Variants in EPB41L4B observed in about 807,000 individuals in gnomAD.
The protein encoded by EPB41L4B is erythrocyte membrane protein band 4.1 like 4B.
EPB41L4B carries 30 observed loss-of-function variants against 112.5 expected under a neutral mutation model. The observed-to-expected ratio is 0.27, with a 90% confidence interval of 0.20 to 0.36. The LOEUF (loss-of-function observed/expected upper bound fraction) is 0.36, where lower values mean the gene tolerates loss of function less well. EPB41L4B is among the 10% of genes least tolerant of loss of function. The pLI, the probability that EPB41L4B is intolerant of heterozygous loss-of-function variation, is 1.00. For synonymous variants in EPB41L4B, 408 were observed against 439.7 expected (o/e 0.93, Z 0.90); for missense variants, 1,024 against 1,133.3 (o/e 0.90, Z 1.38).
intron 15 of EPB41L4B, among the ~76,000 whole-genome samples, chr9:109,229,194 T>G (rs1201261241): frequency 6.6e-6 from 1 of 152,214 alleles, no homozygotes; most frequent in East Asian, 1.9e-4. Flanking sequence ...CTTCCATGGA[T>G]CTTGTTACTT....
intron 16 of EPB41L4B, among the ~76,000 whole-genome samples, chr9:109,214,580 A>G (rs1833297980): frequency 6.6e-6 from 1 of 152,218 alleles, no homozygotes; most frequent in African/African-American, 2.4e-5. Flanking sequence ...GAACATTTGA[A>G]TGGGCTGCTA....
Position 109,172,154 on chromosome 9 carries a change from T to C in EPB41L4B, c.*2400A>G, listed in dbSNP as rs1311709003. The C allele has an allele frequency of 6.6e-6, 1 of 152,182 alleles. No individual in the cohort carries two copies. Among genetic ancestry groups the C allele is most frequent in the African/African-American group, 2.4e-5 (1 of 41,446 alleles). 9.4% of individuals were successfully genotyped at this position (152,182 alleles called of 1,614,324 possible). On this transcript the variant is annotated 3_prime_UTR_variant, in exon 26 of 26. Coordinates refer to ENST00000374566, the MANE Select transcript of EPB41L4B (RefSeq NM_019114.5). ...AAGAAGCAGGAAGCCCAGAGCCTCCTGGAAACACTGGCCAAAAAGCCCATG... is the reference window on the plus strand; with the variant it reads ...AAGAAGCAGGAAGCCCAGAGCCTCCCGGAAACACTGGCCAAAAAGCCCATG...
intron 16 of EPB41L4B, 35 bp downstream of exon 16, chr9:109,216,887 C>A: frequency 6.2e-7 from 1 of 1,600,502 alleles, no homozygotes; most frequent in Non-Finnish European, 8.6e-7. Context: ...CATTGCTCCC[C>A]CTTCTCCTGC....
At chr9:109,242,419 T>C (rs541743626) in intron 15 of EPB41L4B, among the ~76,000 whole-genome samples, 4 of 152,334 alleles carry the variant, frequency 2.6e-5, no homozygotes, top group African/African-American at 9.6e-5. Context: ...GAAACTAACA[T>C]GATAAAACAG....
At chr9:109,304,380 C>G (rs1467299489) in intron 1 of EPB41L4B, among the ~76,000 whole-genome samples, 1 of 152,224 alleles carries the variant, frequency 6.6e-6, no homozygotes, top group Non-Finnish European at 1.5e-5. Flanking sequence ...CTGATTCACT[C>G]CAATTAAACC....
At chr9:109,297,202 TGG>T (rs1196963743) in intron 1 of EPB41L4B, among the ~76,000 whole-genome samples, 1 of 53,860 alleles carries the variant, frequency 1.9e-5, no homozygotes, top group Non-Finnish European at 4.0e-5. Flanking sequence ...GCTGGGGGGG[TGG>T]GGGGGGATCT....
intron 7 of EPB41L4B, 80 bp from the exon 8 acceptor site, chr9:109,256,560 A>T: frequency 8.3e-7 from 1 of 1,204,094 alleles, no homozygotes; most frequent in South Asian, 1.3e-5. Flanking sequence ...CTTACTATGG[A>T]ACGTTATGCA....
intron 15 of EPB41L4B, among the ~76,000 whole-genome samples, chr9:109,221,282 T>C (rs1833564059): frequency 6.6e-6 from 1 of 152,080 alleles, no homozygotes; most frequent in African/African-American, 2.4e-5. Context: ...ATTAATGAAG[T>C]TGTGCAGCTA....
chr9:109,239,146 T>C (rs1001815233), intron 15 of EPB41L4B, among the ~76,000 whole-genome samples: 9 of 152,142 alleles, frequency 5.9e-5, no homozygotes, highest in African/African-American at 2.2e-4. Context: ...AGAGAAAAGA[T>C]GCTCCTATGG....
intron 1 of EPB41L4B, among the ~76,000 whole-genome samples, chr9:109,293,755 C>T (rs1836628248): frequency 1.3e-5 from 2 of 149,340 alleles, no homozygotes; most frequent in Admixed American, 6.7e-5. Context: ...AGGGCACTAA[C>T]TCTGTTTAGG....
intron 14 of EPB41L4B, 122 bp from the exon 15 acceptor site, chr9:109,243,804 G>C: frequency 2.2e-6 from 2 of 905,564 alleles, no homozygotes; most frequent in Non-Finnish European, 3.5e-6. Context: ...AAAGGCTATA[G>C]ACCCTGGCTA....
intron 11 of EPB41L4B, 69 bp from the exon 12 acceptor site, chr9:109,253,619 T>A (rs1259103495): frequency 2.0e-5 from 20 of 1,021,290 alleles, no homozygotes; most frequent in Middle Eastern, 2.0e-4. Flanking sequence ...TTTTTGAAAG[T>A]GCACTTTTAT....
chr9:109,279,993 A>C, intron 1 of EPB41L4B, 72 bp from the exon 2 acceptor site: 1 of 1,178,194 alleles, frequency 8.5e-7, no homozygotes. Flanking sequence ...GTTAAAAAAA[A>C]CCTACTTCTC....
chr9:109,311,704 A>G (rs1185676232), intron 1 of EPB41L4B, among the ~76,000 whole-genome samples: 1 of 152,220 alleles, frequency 6.6e-6, no homozygotes, highest in African/African-American at 2.4e-5. Flanking sequence ...TGAAATTCTG[A>G]CCTTCCCAGG....
intron 1 of EPB41L4B, among the ~76,000 whole-genome samples, chr9:109,285,951 T>C (rs1007226687): frequency 2.0e-5 from 3 of 152,070 alleles, no homozygotes; most frequent in Non-Finnish European, 2.9e-5. Context: ...ATATACATAC[T>C]CATCACACTG....
At chr9:109,178,385 CT>C (rs201156641) in intron 24 of EPB41L4B, among the ~76,000 whole-genome samples, 293 of 143,504 alleles carry the variant, frequency 2.0e-3, no homozygotes, top group South Asian at 4.5e-3. Flanking sequence ...GCAGTATCTT[CT>C]TTTTTTTTTT....
rs1831852836 is a variant in EPB41L4B at position 109,176,663 on chromosome 9, G to C, written c.2521C>G (p.Pro841Ala). ...GGGATCAGCGGGGAAGTCGGGCCAG[G>C]ACAGCACTGTAATTTACTGTCTCTG... ...DFRDSKLQCC[P>A]GPTSPLIPAA... is the part of the protein sequence containing the mutation. The change falls in exon 25 of 26, where the codon CCT becomes GCT. Residue 841 changes from proline (P) to alanine (A), a missense_variant. Pro to Ala is a conservative substitution (Grantham distance 27). Transcript: ENST00000374566. The C allele has an allele frequency of 1.2e-6, 2 of 1,613,728 alleles. No homozygotes were observed. The highest frequency in any genetic ancestry group is 1.7e-5 in the Admixed American group (1 of 59,860).
intron 14 of EPB41L4B, among the ~76,000 whole-genome samples, chr9:109,246,144 G>A (rs1834548671): frequency 6.6e-6 from 1 of 152,192 alleles, no homozygotes; most frequent in African/African-American, 2.4e-5. Flanking sequence ...GCTCACACCT[G>A]TAAACCCAGC....
Position 109,320,494 on chromosome 9 carries a change from G to C in EPB41L4B, c.-48C>G. ...CTCCGCCCCCTGCGCTGCCGCTGCC[G>C]CTGCCGCTGCCGCTGCGCCGCCGCC... On this transcript the variant is annotated 5_prime_UTR_variant, in exon 1 of 26. Coordinates refer to ENST00000374566, the MANE Select transcript of EPB41L4B (RefSeq NM_019114.5). The C allele has an allele frequency of 1.1e-6, 1 of 933,850 alleles. No individual in the cohort carries two copies. 57.8% of individuals were successfully genotyped at this position (933,850 alleles called of 1,614,324 possible).
Sources: allele counts gnomAD v4.1 joint callset (sites outside exome capture counted in the v4.1 genomes callset), GRCh38; gene constraint gnomAD v4.1.1; transcripts MANE v1.5; gene names NCBI Gene and HGNC (gene_info 2026-07-23, HGNC 2026-07-21).